Variants in ROBO2 observed in about 807,000 individuals in gnomAD.
ROBO2 encodes roundabout homolog 2.
In ROBO2, 53 loss-of-function variants were observed where a neutral mutation model predicts 160.8. That is an observed-to-expected ratio of 0.33 (90% CI 0.26 to 0.41). The LOEUF (loss-of-function observed/expected upper bound fraction) is 0.41, where lower values mean the gene tolerates loss of function less well. ROBO2 is among the 10% of genes least tolerant of loss of function. The pLI, the probability that ROBO2 is intolerant of heterozygous loss-of-function variation, is 1.00. For missense variants in ROBO2, 1,577 were observed against 1,722.4 expected, an observed-to-expected ratio of 0.92 and a Z score of 1.49; for synonymous variants, 664 against 611.7, an observed-to-expected ratio of 1.09 and a Z score of -1.26.
intron 2 of ROBO2, among the ~76,000 whole-genome samples, chr3:76,746,799 G>A (rs1037102031): frequency 7.2e-5 from 11 of 152,056 alleles, no homozygotes; most frequent in East Asian, 1.9e-4. Flanking sequence ...TAATGCTTTC[G>A]CTCCCACCAC....
chr3:77,382,082 G>A (rs1169664076), intron 2 of ROBO2, among the ~76,000 whole-genome samples: 1 of 152,068 alleles, frequency 6.6e-6, no homozygotes, highest in Non-Finnish European at 1.5e-5. Context: ...AGATATTTTA[G>A]GGTCATACCA....
intron 2 of ROBO2, among the ~76,000 whole-genome samples, chr3:75,994,640 G>A (rs2065673371): frequency 6.6e-6 from 1 of 152,112 alleles, no homozygotes; most frequent in Non-Finnish European, 1.5e-5. Context: ...CCAGTGTCAG[G>A]TATTTCCTTA....
At chr3:76,398,558 T>C (rs1243396600) in intron 2 of ROBO2, among the ~76,000 whole-genome samples, 1 of 151,830 alleles carries the variant, frequency 6.6e-6, no homozygotes, top group East Asian at 1.9e-4. Flanking sequence ...CCACCTAACC[T>C]TACCAATTCA....
At chr3:76,735,279 C>A (rs959420207) in intron 2 of ROBO2, among the ~76,000 whole-genome samples, 1 of 152,124 alleles carries the variant, frequency 6.6e-6, no homozygotes, top group Non-Finnish European at 1.5e-5. Context: ...AAATCATGTC[C>A]TTTGCAGAAA....
intron 2 of ROBO2, among the ~76,000 whole-genome samples, chr3:77,400,978 T>G (rs912395250): frequency 3.3e-5 from 5 of 151,652 alleles, no homozygotes; most frequent in Non-Finnish European, 7.4e-5. Flanking sequence ...CTTTTCTACC[T>G]TTCCTGGGAG....
At chr3:77,362,848 T>C (rs2070244928) in intron 2 of ROBO2, among the ~76,000 whole-genome samples, 1 of 152,092 alleles carries the variant, frequency 6.6e-6, no homozygotes, top group Non-Finnish European at 1.5e-5. Flanking sequence ...GGCGGTGCGT[T>C]GAGAGGAACT....
chr3:76,549,257 T>C (rs2083282684), intron 2 of ROBO2, among the ~76,000 whole-genome samples: 1 of 152,208 alleles, frequency 6.6e-6, no homozygotes, highest in African/African-American at 2.4e-5. Flanking sequence ...ATAAATATAC[T>C]GAGTTCTGGC....
intron 2 of ROBO2, among the ~76,000 whole-genome samples, chr3:77,476,500 A>G (rs1221148196): frequency 1.3e-5 from 2 of 152,076 alleles, no homozygotes; most frequent in African/African-American, 2.4e-5. Flanking sequence ...GGAAAAGCAG[A>G]GGCAGTTGCA....
At chr3:76,551,641 C>G (rs986463676) in intron 2 of ROBO2, among the ~76,000 whole-genome samples, 1 of 152,150 alleles carries the variant, frequency 6.6e-6, no homozygotes, top group African/African-American at 2.4e-5. Context: ...GTGACACCCT[C>G]CTGGGGTTTT....
At chr3:77,026,067 T>G (rs1463093726) in intron 2 of ROBO2, among the ~76,000 whole-genome samples, 1 of 152,232 alleles carries the variant, frequency 6.6e-6, no homozygotes, top group African/African-American at 2.4e-5. Flanking sequence ...GTGCATATGC[T>G]TGGTGTTAAG....
At chr3:77,634,901 A>G (rs1434501845) in exon 24 of ROBO2, 1 of 1,613,998 alleles carries the variant, frequency 6.2e-7, no homozygotes, top group East Asian at 2.2e-5. Context: ...AAAGACCTCG[A>G]CCTACCAGCC....
intron 2 of ROBO2, among the ~76,000 whole-genome samples, chr3:77,105,039 A>G (rs1240194857): frequency 6.6e-6 from 1 of 152,074 alleles, no homozygotes; most frequent in Non-Finnish European, 1.5e-5. Context: ...AGCTGACGTT[A>G]CCCTTCCTGA....
At chr3:76,181,612 T>G (rs1701506635) in intron 2 of ROBO2, among the ~76,000 whole-genome samples, 2 of 152,168 alleles carry the variant, frequency 1.3e-5, no homozygotes, top group South Asian at 4.1e-4. Flanking sequence ...AATATTTCAA[T>G]GACTTTACTT....
At chr3:76,716,027 ATATTCT>A (rs1156301612) in intron 2 of ROBO2, among the ~76,000 whole-genome samples, 1 of 152,220 alleles carries the variant, frequency 6.6e-6, no homozygotes, top group Admixed American at 6.5e-5. Context: ...TATCAAAATG[ATATTCT>A]TATAAAGGGC....
At chr3:77,179,472 T>C (rs917932312) in intron 2 of ROBO2, among the ~76,000 whole-genome samples, 1 of 151,976 alleles carries the variant, frequency 6.6e-6, no homozygotes, top group African/African-American at 2.4e-5. Context: ...TGAAAAAAAA[T>C]ACTGTGGTAT....
chr3:75,937,683 G>A (rs573667988), intron 2 of ROBO2: 24 of 837,030 alleles, frequency 2.9e-5, no homozygotes, highest in African/African-American at 2.2e-4. Flanking sequence ...TCTTTGGTTC[G>A]ACGTTTAAGC....
At chr3:77,374,667 C>T (rs1275109565) in intron 2 of ROBO2, among the ~76,000 whole-genome samples, 1 of 152,032 alleles carries the variant, frequency 6.6e-6, no homozygotes, top group African/African-American at 2.4e-5. Flanking sequence ...TTTTCTGATG[C>T]TTTTATAGAG....
intron 2 of ROBO2, among the ~76,000 whole-genome samples, chr3:76,285,703 T>C (rs1708474145): frequency 6.6e-6 from 1 of 152,156 alleles, no homozygotes; most frequent in African/African-American, 2.4e-5. Context: ...AAAGTGAGAA[T>C]GTAAACTTGT....
intron 2 of ROBO2, among the ~76,000 whole-genome samples, chr3:76,601,051 C>A (rs1009750998): frequency 6.6e-6 from 1 of 152,170 alleles, no homozygotes; most frequent in South Asian, 2.1e-4. Context: ...TCCAGCAGGG[C>A]AGTCAAACCT....
Sources: gnomAD v4.1 joint callset for allele counts (sites outside exome capture counted in the v4.1 genomes callset) on GRCh38, gnomAD v4.1.1 for gene constraint, MANE v1.5 for transcripts, NCBI Gene and HGNC (gene_info 2026-07-23, HGNC 2026-07-21) for gene names.